AKT3: variants seen among roughly 807,000 people sequenced by gnomAD.
AKT3 encodes the protein AKT serine/threonine kinase 3.
A neutral mutation model predicts 65.3 loss-of-function variants in AKT3; 15 were observed. That is an observed-to-expected ratio of 0.23 (90% confidence interval 0.15 to 0.35). The LOEUF (loss-of-function observed/expected upper bound fraction) is 0.35, where lower values mean the gene tolerates loss of function less well. Ranked by LOEUF, AKT3 falls within the 10% of genes least tolerant of loss-of-function variation. AKT3 has a pLI of 1.00. For synonymous variants in AKT3, 206 were observed against 183.8 expected (o/e 1.12, Z -0.98); for missense variants, 243 against 576.5 (o/e 0.42, Z 5.92).
chr1:243,711,349 C>T (rs368896009), intron 2 of AKT3, among the ~76,000 whole-genome samples: 163 of 152,126 alleles, frequency 1.1e-3, no homozygotes, highest in African/African-American at 3.8e-3. Flanking sequence ...AACAAAAGAA[C>T]AAAATTTGAA....
At chr1:243,752,894 T>A (rs74877492) in intron 2 of AKT3, among the ~76,000 whole-genome samples, 1,972 of 152,292 alleles carry the variant, frequency 0.013, 34 homozygotes, top group African/African-American at 0.046. Flanking sequence ...AAAGTTTTCA[T>A]CCCTTTTCCC....
chr1:243,837,662 A>C lies in AKT3; in HGVS notation c.46+5463T>G, dbSNP rs868429382. 2.0e-5 allele frequency among the ~76,000 whole-genome samples: 3 copies of C among 152,320 alleles called. No individual in the cohort carries two copies. In the Middle Eastern group the frequency reaches 0.01, roughly 518 times the overall value. ...AAAATCAAATGACCATTTCAATAGA[A>C]GCAGTAAAATCTTTAGAAAAAACTG... On this transcript the variant is annotated intron_variant, in intron 2 of 13. Transcript: ENST00000673466.
chr1:243,679,786 T>C, intron 3 of AKT3, among the ~76,000 whole-genome samples: 1 of 152,082 alleles, frequency 6.6e-6, no homozygotes, highest in East Asian at 1.9e-4. Flanking sequence ...AAATAATCTG[T>C]CTATAAAAAT....
chr1:243,563,624 G>C, intron 10 of AKT3, 96 bp downstream of exon 10: 1 of 1,418,970 alleles, frequency 7.0e-7, no homozygotes, highest in Non-Finnish European at 9.3e-7. Context: ...ATAGATAAAA[G>C]TAGTAGATAC....
At chr1:243,609,384 C>T (rs1384543224) in intron 8 of AKT3, among the ~76,000 whole-genome samples, 1 of 145,188 alleles carries the variant, frequency 6.9e-6, no homozygotes, top group Non-Finnish European at 1.5e-5. Flanking sequence ...ACTGTAATTA[C>T]CTACGCATGT....
chr1:243,744,544 C>A (rs1688357910), intron 2 of AKT3, among the ~76,000 whole-genome samples: 4 of 151,790 alleles, frequency 2.6e-5, no homozygotes. Flanking sequence ...TCGAGACCAT[C>A]CCGGCTAAAA....
chr1:243,787,360 G>A (rs1691333616), intron 2 of AKT3, among the ~76,000 whole-genome samples: 1 of 152,058 alleles, frequency 6.6e-6, no homozygotes, highest in Non-Finnish European at 1.5e-5. Flanking sequence ...TGAAAAACTA[G>A]TCCCAGCTCC....
At chr1:243,534,388 TG>T (rs1671756963) in intron 12 of AKT3, among the ~76,000 whole-genome samples, 1 of 152,200 alleles carries the variant, frequency 6.6e-6, no homozygotes. Context: ...AGGCAAAAAC[TG>T]ATAGAACTGG....
At chr1:243,637,980 C>T (rs968472037) in intron 5 of AKT3, among the ~76,000 whole-genome samples, 2 of 151,996 alleles carry the variant, frequency 1.3e-5, no homozygotes, top group Admixed American at 6.6e-5. Flanking sequence ...AATTCCTCAG[C>T]GAAATTATCA....
chr1:243,739,093 T>C lies in AKT3; in HGVS notation c.47-43377A>G, dbSNP rs74151210. ...GCACAGATCATGGTGATCTCTCATCTAGATTCCTATGAGAGCCTCTGAACT... is the reference window on the plus strand; with the variant it reads ...GCACAGATCATGGTGATCTCTCATCCAGATTCCTATGAGAGCCTCTGAACT... On this transcript the variant is annotated intron_variant, in intron 2 of 13. Coordinates refer to ENST00000673466, the MANE Select transcript of AKT3 (RefSeq NM_005465.7). Among the ~76,000 whole-genome samples the C allele has an allele frequency of 9.1e-3, 1,390 of 152,300 alleles. 16 individuals are homozygous for C. The highest frequency in any genetic ancestry group is 0.032 in the African/African-American group (1,323 of 41,562).
At chr1:243,798,411 T>TG (rs1553454688) in intron 2 of AKT3, among the ~76,000 whole-genome samples, 2 of 136,582 alleles carry the variant, frequency 1.5e-5, no homozygotes, top group Non-Finnish European at 3.2e-5. Context: ...TTTTTTTTTT[T>TG]TTTTTTGTTT....
At chr1:243,795,451 TTTTTTTTTTTG>T (rs1277683021) in intron 2 of AKT3, among the ~76,000 whole-genome samples, 47 of 128,818 alleles carry the variant, frequency 3.6e-4, no homozygotes, top group African/African-American at 1.5e-3. Context: ...ATCTCCTTGT[TTTTTTTTTTTG>T]TTTTTTTTTT....
intron 3 of AKT3, among the ~76,000 whole-genome samples, chr1:243,684,041 G>A (rs940728604): frequency 2.6e-5 from 4 of 151,950 alleles, no homozygotes; most frequent in Admixed American, 2.0e-4. Context: ...TCTATACCCC[G>A]TTCCCCTTGC....
rs887954904 is a variant in AKT3 at position 243,813,787 on chromosome 1, T to C, written c.46+29338A>G. 2.0e-5 allele frequency among the ~76,000 whole-genome samples: 3 copies of C among 152,200 alleles called. No homozygotes were observed. In the East Asian group the frequency reaches 5.8e-4, roughly 29 times the overall value. On this transcript the variant is annotated intron_variant, in intron 2 of 13. Coordinates refer to ENST00000673466, the MANE Select transcript of AKT3 (RefSeq NM_005465.7). Reference sequence around the variant, plus strand: ...ATAAAGTGATATCTACAGCTTCCATTCAAATGATTCAATTAAAAATTTTAA... The same window carrying C: ...ATAAAGTGATATCTACAGCTTCCATCCAAATGATTCAATTAAAAATTTTAA...
At chr1:243,496,696 AAGC>A (rs1188240848), downstream of AKT3, among the ~76,000 whole-genome samples, 11 of 152,334 alleles carry the variant, frequency 7.2e-5, no homozygotes, top group South Asian at 4.1e-4. Context: ...TTTGGGAACA[AAGC>A]AGCAGCAAAG....
chr1:243,618,789 T>C (rs320312), intron 6 of AKT3, among the ~76,000 whole-genome samples: 143,583 of 152,128 alleles, frequency 0.94, 68,350 homozygotes, highest in East Asian at 1. Context: ...TCACCCTCTA[T>C]TACACACGAT....
Position 243,501,095 on chromosome 1 carries a change from CA to C in AKT3, c.*4153del, listed in dbSNP as rs1345478688. On this transcript the variant is annotated 3_prime_UTR_variant, in exon 14 of 14. Coordinates refer to ENST00000673466, the MANE Select transcript of AKT3 (RefSeq NM_005465.7). Reference sequence around the variant, plus strand: ...AATGCCCTCAAATTTGGCCGTGTGACATACACATACATGCTTGACTCACTCT... The same window carrying C: ...AATGCCCTCAAATTTGGCCGTGTGACTACACATACATGCTTGACTCACTCT... The C allele has an allele frequency of 8.7e-6, 2 of 231,164 alleles. No homozygotes were observed. Among genetic ancestry groups the C allele is most frequent in the African/African-American group, 4.4e-5 (2 of 45,216 alleles). 14.3% of individuals were successfully genotyped at this position (231,164 alleles called of 1,614,324 possible).
chr1:243,700,125 A>G (rs988798385), intron 2 of AKT3, among the ~76,000 whole-genome samples: 4 of 152,218 alleles, frequency 2.6e-5, no homozygotes, highest in Non-Finnish European at 5.9e-5. Flanking sequence ...CAGCTCCTAA[A>G]CACTATGACC....
intron 3 of AKT3, among the ~76,000 whole-genome samples, chr1:243,667,019 C>T (rs995658622): frequency 2.0e-5 from 3 of 152,098 alleles, no homozygotes; most frequent in Non-Finnish European, 4.4e-5. Flanking sequence ...TGCCCAGCAT[C>T]ACTAGGGAGT....
Sources: gnomAD v4.1 joint callset for allele counts (sites outside exome capture counted in the v4.1 genomes callset) on GRCh38, gnomAD v4.1.1 for gene constraint, MANE v1.5 for transcripts, NCBI Gene and HGNC (gene_info 2026-07-23, HGNC 2026-07-21) for gene names.